The following FNIP1 variants were observed in gnomAD, a reference collection of about 807,000 sequenced individuals.
The protein encoded by FNIP1 is folliculin interacting protein 1, also known as folliculin-interacting protein 1.
A neutral mutation model predicts 124.5 loss-of-function variants in FNIP1; 40 were observed. The ratio of observed to expected loss-of-function variants is 0.32; its 90% confidence interval spans 0.25 to 0.42. FNIP1 has a LOEUF of 0.42. Ranked by LOEUF, FNIP1 falls within the 10% of genes least tolerant of loss-of-function variation. The pLI is 1.00. For synonymous variants in FNIP1, 472 were observed against 470.6 expected (o/e 1.00, Z -0.04); for missense variants, 1,176 against 1,403.7 (o/e 0.84, Z 2.59).
At chr5:131,716,740 G>C in intron 5 of FNIP1, 84 bp from the exon 6 acceptor site, 1 of 766,238 alleles carries the variant, frequency 1.3e-6, no homozygotes, top group Non-Finnish European at 2.0e-6. Flanking sequence ...GAAATTTTAA[G>C]TGCAAAAACA....
chr5:131,765,883 T>C (rs761704826), intron 1 of FNIP1, among the ~76,000 whole-genome samples: 2 of 152,244 alleles, frequency 1.3e-5, no homozygotes, highest in Admixed American at 1.3e-4. Context: ...GCAATCTTTA[T>C]GTTCTCCATC....
Position 131,787,835 on chromosome 5 carries a change from G to A in FNIP1, c.92+8995C>T, listed in dbSNP as rs147260674. Among the ~76,000 whole-genome samples the A allele has an allele frequency of 2.3e-3, 349 of 152,232 alleles. 1 individual carries two copies. Among genetic ancestry groups the A allele is most frequent in the Middle Eastern group, 3.4e-3 (1 of 294 alleles). On this transcript the variant is annotated intron_variant, in intron 1 of 17. Coordinates refer to ENST00000510461, the MANE Select transcript of FNIP1 (RefSeq NM_133372.3). ...ATTTAGAAGAACAGTGTGGGGCCAG[G>A]TGCAGCAGCTCACACCTGTAATCCC... is the stretch of plus-strand genomic sequence containing the variant.
intron 2 of FNIP1, among the ~76,000 whole-genome samples, chr5:131,731,970 T>G (rs7717578): frequency 0.087 from 13,215 of 152,268 alleles, 1,258 homozygotes; most frequent in African/African-American, 0.24. Flanking sequence ...ACTAATGTAA[T>G]AAATAAAATT....
rs141604388 is a variant in FNIP1, at chr5:131,669,680, A to C, written c.3108+783T>G. Among the ~76,000 whole-genome samples, 266 of 152,252 alleles carry C rather than the reference A, an allele frequency of 1.7e-3. 7 individuals are homozygous for C. In the East Asian group the frequency reaches 0.042, roughly 24 times the overall value. On this transcript the variant is annotated intron_variant, in intron 15 of 17. Coordinates refer to ENST00000510461, the MANE Select transcript of FNIP1 (RefSeq NM_133372.3). ...ACAAAAAAAACCAAACCGTCTCAAA[A>C]CTAGGAATAAAAGAGAACTGCCTGT...
intron 15 of FNIP1, among the ~76,000 whole-genome samples, chr5:131,661,217 GTT>G (rs34731837): frequency 0.051 from 2,390 of 47,118 alleles, 30 homozygotes; most frequent in Middle Eastern, 0.077. Flanking sequence ...TCTTGTCTTT[GTT>G]TTGTGTGTGT....
intron 2 of FNIP1, among the ~76,000 whole-genome samples, chr5:131,735,588 GTATTTATATATGTATACATATACACA>G (rs970754208): frequency 5.4e-5 from 8 of 146,918 alleles, no homozygotes; most frequent in East Asian, 2.0e-4. Flanking sequence ...ACATATACAC[GTATTTATATATGTATACATATACACA>G]TATTTATATA....
chr5:131,732,805 A>G (rs1170583784), intron 2 of FNIP1, among the ~76,000 whole-genome samples: 1 of 152,106 alleles, frequency 6.6e-6, no homozygotes, highest in African/African-American at 2.4e-5. Flanking sequence ...TTGACTTGGC[A>G]ATGTGGGCTC....
At chr5:131,655,792 C>G (rs944025334) in intron 15 of FNIP1, among the ~76,000 whole-genome samples, 2 of 151,836 alleles carry the variant, frequency 1.3e-5, no homozygotes, top group Non-Finnish European at 2.9e-5. Flanking sequence ...GTGGCAGGCG[C>G]CTGCAATCCC....
intron 15 of FNIP1, among the ~76,000 whole-genome samples, chr5:131,669,691 A>C (rs1013560877): frequency 6.6e-6 from 1 of 152,146 alleles, no homozygotes; most frequent in African/African-American, 2.4e-5. Context: ...CTAGGAATAA[A>C]AGAGAACTGC....
At chr5:131,670,375 G>T in intron 15 of FNIP1, 88 bp downstream of exon 15, 1 of 1,191,032 alleles carries the variant, frequency 8.4e-7, no homozygotes, top group Non-Finnish European at 1.2e-6. Flanking sequence ...GTTGTAAAAA[G>T]TATGACCAAA....
intron 3 of FNIP1, among the ~76,000 whole-genome samples, chr5:131,723,581 T>C (rs1356509884): frequency 6.6e-6 from 1 of 152,202 alleles, no homozygotes; most frequent in Non-Finnish European, 1.5e-5. Context: ...GCTATTATCA[T>C]TATTGTCTAT....
chr5:131,779,701 A>G (rs1771934230), intron 1 of FNIP1, among the ~76,000 whole-genome samples: 1 of 151,314 alleles, frequency 6.6e-6, no homozygotes, highest in African/African-American at 2.4e-5. Context: ...AAAAAAAAAA[A>G]AAGAAAAGAA....
intron 9 of FNIP1, among the ~76,000 whole-genome samples, chr5:131,705,404 G>GT: frequency 6.6e-6 from 1 of 152,164 alleles, no homozygotes; most frequent in East Asian, 1.9e-4. Flanking sequence ...GCCCAGGGAG[G>GT]TTGAGGCTGC....
At chr5:131,795,611 G>A (rs953255260) in intron 1 of FNIP1, 2 of 152,148 alleles carry the variant, frequency 1.3e-5, no homozygotes, top group African/African-American at 4.8e-5. Flanking sequence ...AGACAGATGA[G>A]CATGACACAT....
intron 15 of FNIP1, among the ~76,000 whole-genome samples, chr5:131,656,828 G>A (rs1362303109): frequency 6.6e-6 from 1 of 151,958 alleles, no homozygotes; most frequent in Non-Finnish European, 1.5e-5. Context: ...AAGGCAGGAA[G>A]GGATAAGCTA....
intron 15 of FNIP1, among the ~76,000 whole-genome samples, chr5:131,659,049 G>C (rs573395419): frequency 2.0e-5 from 3 of 151,846 alleles, no homozygotes; most frequent in Non-Finnish European, 4.4e-5. Context: ...AGTCCGCCTA[G>C]AAGCATTTGC....
At chr5:131,715,107 CTA>C (rs917189900) in intron 6 of FNIP1, among the ~76,000 whole-genome samples, 1 of 152,194 alleles carries the variant, frequency 6.6e-6, no homozygotes, top group Non-Finnish European at 1.5e-5. Context: ...ATTTTCTACT[CTA>C]TATTAAAAGT....
chr5:131,672,651 T>C lies in FNIP1; in HGVS notation c.1793A>G (p.Lys598Arg), dbSNP rs1258963447. The change falls in exon 14 of 18, where the codon AAA (lysine) becomes AGA (arginine). Residue 598 changes from lysine (K) to arginine (R), a missense_variant. By Grantham distance (26) the Lys-to-Arg change is conservative (BLOSUM62 2). Around this residue, in one of 2 missense-constraint regions of FNIP1, gnomAD observed 1,109 missense variants for 1,288.5 expected, o/e 0.86. Transcript: ENST00000510461. The part of the protein sequence containing the change: ...MHRNKSSLLF[K>R]ESEEIRTPNC... ...GGGAGTTCTAATTTCTTCTGACTCT[T>C]TAAAGAGCAAACTGCTTTTGTTTCT... 6.2e-7 allele frequency: 1 copy of C among 1,614,230 alleles called. No homozygotes were observed. The highest frequency in any genetic ancestry group is 8.5e-7 in the Non-Finnish European group (1 of 1,180,036).
chr5:131,705,094 A>C (rs1245988095), intron 9 of FNIP1, among the ~76,000 whole-genome samples: 3 of 152,114 alleles, frequency 2.0e-5, no homozygotes, highest in Non-Finnish European at 4.4e-5. Context: ...CCAACAAAGC[A>C]AAAAAATGCA....
Sources: allele counts gnomAD v4.1 joint callset (sites outside exome capture counted in the v4.1 genomes callset), GRCh38; gene constraint gnomAD v4.1.1; regional missense constraint gnomAD v4.1.1; transcripts MANE v1.5; gene names NCBI Gene and HGNC (gene_info 2026-07-23, HGNC 2026-07-21).